ZNF804B: variants seen among roughly 807,000 people sequenced by gnomAD.
ZNF804B encodes zinc finger 804B.
A neutral mutation model predicts 101.4 loss-of-function variants in ZNF804B; 80 were observed. The ratio of observed to expected loss-of-function variants is 0.79; its 90% CI spans 0.66 to 0.95. The LOEUF is 0.95. Among genes scored for constraint, ZNF804B ranks in the 40% least tolerant of loss-of-function variants. The probability of loss-of-function intolerance (pLI) is 0.00; values close to 1 mark genes in which losing one functional copy is unlikely to be tolerated. For missense variants in ZNF804B, 1,673 were observed against 1,561.9 expected (o/e 1.07, Z -1.20); for synonymous variants, 622 against 558.8 (o/e 1.11, Z -1.59).
chr7:88,941,971 T>G (rs1192002065), intron 1 of ZNF804B, among the ~76,000 whole-genome samples: 1 of 151,930 alleles, frequency 6.6e-6, no homozygotes, highest in Non-Finnish European at 1.5e-5. Flanking sequence ...TTCCTTATGT[T>G]TATTTTATAG....
At chr7:88,815,613 C>T (rs575914529) in intron 1 of ZNF804B, among the ~76,000 whole-genome samples, 33 of 152,160 alleles carry the variant, frequency 2.2e-4, no homozygotes, top group Non-Finnish European at 3.7e-4. Flanking sequence ...GTAGCTCCTC[C>T]TTCCCAATGT....
intron 1 of ZNF804B, among the ~76,000 whole-genome samples, chr7:89,031,922 G>T (rs1232178460): frequency 6.6e-6 from 1 of 151,856 alleles, no homozygotes; most frequent in Non-Finnish European, 1.5e-5. Flanking sequence ...AGCGTAGCTA[G>T]ATTTTATTTC....
At chr7:88,947,616 C>T (rs1793156516) in intron 1 of ZNF804B, among the ~76,000 whole-genome samples, 1 of 151,598 alleles carries the variant, frequency 6.6e-6, no homozygotes. Flanking sequence ...ACGTGTATAC[C>T]TACCTAACAA....
At position 88,801,302 on chromosome 7, in the gene ZNF804B, G is replaced by GA. The variant is rs199616910; in HGVS notation, c.108+41218_108+41219insA. 8.0e-5 allele frequency among the ~76,000 whole-genome samples: 12 copies of GA among 149,776 alleles called. No individual in the cohort carries two copies. In the East Asian group the frequency reaches 9.9e-4, roughly 12 times the overall value. ...AGAAGGTGAGTGGTGGGAGGAGAGG[G>GA]GAAAAAAAAAAAAAGTAACTTGGAA... On this transcript the variant is annotated intron_variant, in intron 1 of 3. Coordinates refer to ENST00000333190, the MANE Select transcript of ZNF804B (RefSeq NM_181646.5).
intron 1 of ZNF804B, among the ~76,000 whole-genome samples, chr7:89,033,099 T>C (rs977669351): frequency 1.3e-5 from 2 of 151,722 alleles, no homozygotes; most frequent in Admixed American, 1.3e-4. Flanking sequence ...TTGACCTTCA[T>C]CTTTCCATCA....
intron 1 of ZNF804B, among the ~76,000 whole-genome samples, chr7:88,767,268 C>T (rs947375401): frequency 1.3e-5 from 2 of 152,162 alleles, no homozygotes; most frequent in East Asian, 3.9e-4. Context: ...TCAGAATTTA[C>T]AGCTTTCCCC....
chr7:89,236,404 C>T (rs1330324469), intron 2 of ZNF804B, among the ~76,000 whole-genome samples: 2 of 151,854 alleles, frequency 1.3e-5, no homozygotes, highest in Non-Finnish European at 2.9e-5. Flanking sequence ...TACAAAATTC[C>T]CCATGGTGAT....
intron 2 of ZNF804B, among the ~76,000 whole-genome samples, chr7:89,291,195 A>G (rs781560119): frequency 3.3e-5 from 5 of 152,180 alleles, no homozygotes; most frequent in African/African-American, 4.8e-5. Context: ...GAAGAATACA[A>G]TGAGTACCCA....
chr7:89,331,893 A>T (rs1023642152), intron 3 of ZNF804B, among the ~76,000 whole-genome samples: 1 of 151,558 alleles, frequency 6.6e-6, no homozygotes, highest in Non-Finnish European at 1.5e-5. Context: ...CAAGGGAAAA[A>T]AATGTATCTG....
chr7:88,772,426 G>A (rs1016537424), intron 1 of ZNF804B, among the ~76,000 whole-genome samples: 8 of 152,096 alleles, frequency 5.3e-5, no homozygotes, highest in South Asian at 2.1e-4. Context: ...AGGGCAAACC[G>A]GTCTTCCACA....
intron 1 of ZNF804B, among the ~76,000 whole-genome samples, chr7:89,157,804 A>G (rs1333599358): frequency 6.6e-6 from 1 of 152,166 alleles, no homozygotes; most frequent in Non-Finnish European, 1.5e-5. Flanking sequence ...TGTGACCTGT[A>G]CTAGAATTCT....
intron 1 of ZNF804B, among the ~76,000 whole-genome samples, chr7:88,858,270 C>G (rs1791600421): frequency 6.6e-6 from 1 of 152,170 alleles, no homozygotes; most frequent in Admixed American, 6.5e-5. Flanking sequence ...TTCCTTTCTT[C>G]AAGGTACTTT....
intron 1 of ZNF804B, among the ~76,000 whole-genome samples, chr7:89,105,629 A>G (rs578023043): frequency 8.3e-4 from 127 of 152,208 alleles, no homozygotes; most frequent in Non-Finnish European, 1.2e-3. Flanking sequence ...ACCATCATCA[A>G]CACAGAAGAC....
chr7:88,890,665 C>T (rs1432253823), intron 1 of ZNF804B, among the ~76,000 whole-genome samples: 2 of 152,064 alleles, frequency 1.3e-5, no homozygotes, highest in Non-Finnish European at 2.9e-5. Context: ...ATTAATGGAA[C>T]CACGTTTTAT....
At chr7:88,949,248 C>T (rs182452448) in intron 1 of ZNF804B, among the ~76,000 whole-genome samples, 35 of 151,810 alleles carry the variant, frequency 2.3e-4, no homozygotes, top group African/African-American at 7.0e-4. Context: ...TGACCATTTG[C>T]GCTTGATAAT....
intron 1 of ZNF804B, among the ~76,000 whole-genome samples, chr7:89,022,558 C>T (rs1282420827): frequency 2.6e-5 from 4 of 152,080 alleles, no homozygotes; most frequent in Non-Finnish European, 5.9e-5. Flanking sequence ...TGTGGTTTTG[C>T]TCTGAAGGAT....
chr7:89,192,364 G>A (rs1464211673), intron 1 of ZNF804B, among the ~76,000 whole-genome samples: 1 of 151,790 alleles, frequency 6.6e-6, no homozygotes, highest in Admixed American at 6.6e-5. Flanking sequence ...CCCATCCACA[G>A]GGGAATGGAT....
chr7:88,831,883 T>C (rs1417986675), intron 1 of ZNF804B, among the ~76,000 whole-genome samples: 4 of 151,954 alleles, frequency 2.6e-5, no homozygotes, highest in Non-Finnish European at 5.9e-5. Flanking sequence ...CCATGTTGCC[T>C]TTTAAAATTT....
chr7:88,968,309 T>G (rs1417209048), intron 1 of ZNF804B, among the ~76,000 whole-genome samples: 1 of 151,590 alleles, frequency 6.6e-6, no homozygotes, highest in Non-Finnish European at 1.5e-5. Context: ...CAGAAATTAG[T>G]GCACATGTTG....
Sources: allele counts gnomAD v4.1 joint callset (sites outside exome capture counted in the v4.1 genomes callset), GRCh38; gene constraint gnomAD v4.1.1; transcripts MANE v1.5; gene names NCBI Gene and HGNC (gene_info 2026-07-23, HGNC 2026-07-21).